Variants in ARID1B observed in about 807,000 individuals in gnomAD.
ARID1B encodes the protein AT-rich interactive domain-containing protein 1B.
Under a neutral mutation model 212.3 loss-of-function variants are expected in ARID1B, and 30 were observed. The observed-to-expected ratio is 0.14, with a 90% CI of 0.11 to 0.19. The LOEUF (loss-of-function observed/expected upper bound fraction) is 0.19, where lower values mean the gene tolerates loss of function less well. ARID1B is among the 10% of genes least tolerant of loss of function. The pLI is 1.00. For synonymous variants in ARID1B, 1,402 were observed against 1,301.7 expected (o/e 1.08, Z -1.66); for missense variants, 2,891 against 3,204.0 (o/e 0.90, Z 2.36).
At chr6:156,841,712 T>C (rs1783913597) in intron 2 of ARID1B, among the ~76,000 whole-genome samples, 1 of 151,990 alleles carries the variant, frequency 6.6e-6, no homozygotes, top group African/African-American at 2.4e-5. Flanking sequence ...CACTTACTTG[T>C]TTTGCTTGTT....
At chr6:156,989,699 C>G (rs996735958) in intron 4 of ARID1B, among the ~76,000 whole-genome samples, 1 of 152,176 alleles carries the variant, frequency 6.6e-6, no homozygotes, top group Admixed American at 6.5e-5. Flanking sequence ...TGAGATTCCC[C>G]TTGACTTCAG....
intron 4 of ARID1B, among the ~76,000 whole-genome samples, chr6:157,049,548 T>TTG (rs1782454778): frequency 6.6e-6 from 1 of 152,242 alleles, no homozygotes; most frequent in Non-Finnish European, 1.5e-5. Flanking sequence ...AGAAGCCATG[T>TTG]ACATTTTTAT....
At chr6:156,921,808 T>G (rs946443782) in intron 3 of ARID1B, among the ~76,000 whole-genome samples, 9 of 152,212 alleles carry the variant, frequency 5.9e-5, no homozygotes, top group Admixed American at 6.5e-5. Context: ...AACAACAGAA[T>G]CTTCTTTATC....
rs915004974 is a variant in ARID1B, at chr6:157,207,174, G to A, written c.6402G>A (p.Glu2134=). The part of the protein sequence containing the change: ...EDKGVACSKD[E]WWWDCLEVLR... The stretch of plus-strand genomic sequence containing the variant: ...AGGGGGTGGCCTGCAGCAAAGATGA[G>A]TGGTGGTGGGACTGCCTCGAGGTCT... The change falls in exon 20 of 20, where the codon GAG becomes GAA. Residue 2134 remains glutamate (E), a synonymous_variant. Coordinates refer to ENST00000636930, the MANE Select transcript of ARID1B (RefSeq NM_001374828.1). This position sits in a 1 kb window ranked among gnomAD's most constrained non-coding sequence, Gnocchi z 8.5. 6 of 1,614,224 alleles carry A rather than the reference G, an allele frequency of 3.7e-6. No individual in the cohort carries two copies. Among genetic ancestry groups the A allele is most frequent in the South Asian group, 1.1e-5 (1 of 91,086 alleles).
chr6:157,210,018 A>G lies in ARID1B; in HGVS notation c.*2127A>G, dbSNP rs927374703. The G allele has an allele frequency of 9.5e-4, 222 of 233,082 alleles. 2 individuals carry two copies. The highest frequency in any genetic ancestry group is 1.7e-4 in the Non-Finnish European group (20 of 118,028). 14.4% of individuals were successfully genotyped at this position (233,082 alleles called of 1,614,324 possible). On this transcript the variant is annotated 3_prime_UTR_variant, in exon 20 of 20. Transcript: ENST00000636930. ...CATTGTGTCGGTTCACATTACTCAC[A>G]GTAATATATGGAAGAGTTAGACAAG...
At chr6:157,070,823 C>G (rs1783964431) in intron 4 of ARID1B, among the ~76,000 whole-genome samples, 1 of 152,192 alleles carries the variant, frequency 6.6e-6, no homozygotes, top group African/African-American at 2.4e-5. Flanking sequence ...CATAGAAAAG[C>G]AAATGCCTGC....
intron 3 of ARID1B, among the ~76,000 whole-genome samples, chr6:156,923,758 G>A (rs986833457): frequency 6.6e-6 from 1 of 150,646 alleles, no homozygotes; most frequent in Non-Finnish European, 1.5e-5. Flanking sequence ...AGGCTGGAGT[G>A]CAGTGGTACA....
chr6:156,840,866 A>G (rs1783851530), intron 2 of ARID1B, among the ~76,000 whole-genome samples: 1 of 152,150 alleles, frequency 6.6e-6, no homozygotes, highest in South Asian at 2.1e-4. Context: ...CTCTGCTCTA[A>G]GGCCCATTAT....
chr6:156,917,024 C>G (rs891173400), intron 3 of ARID1B, among the ~76,000 whole-genome samples: 4 of 152,184 alleles, frequency 2.6e-5, no homozygotes, highest in Admixed American at 6.5e-5. Flanking sequence ...TCGCACAACC[C>G]TGTCTGTTTT....
At chr6:157,103,831 CTTT>C (rs869280492) in intron 5 of ARID1B, among the ~76,000 whole-genome samples, 49 of 118,334 alleles carry the variant, frequency 4.1e-4, no homozygotes, top group Admixed American at 8.2e-4. Flanking sequence ...ATATTAACAA[CTTT>C]TTTTTTTTTT....
chr6:156,807,273 T>C (rs1781237555), intron 1 of ARID1B, among the ~76,000 whole-genome samples: 1 of 152,032 alleles, frequency 6.6e-6, no homozygotes, highest in Non-Finnish European at 1.5e-5. Flanking sequence ...AGCCAGCGGA[T>C]CACGTGGTGT....
chr6:156,982,890 G>A (rs1777690577), intron 4 of ARID1B, among the ~76,000 whole-genome samples: 1 of 152,026 alleles, frequency 6.6e-6, no homozygotes. Context: ...TTAGGCAGGA[G>A]GCTTCCTCAA....
chr6:157,175,020 T>TTTTTTTTTG lies in ARID1B; in HGVS notation c.3504+31_3504+39dup. The TTTTTTTTTG allele has an allele frequency of 3.0e-6, 4 of 1,354,478 alleles. No homozygotes were observed. The South Asian group carries it at 6.5e-5, about 22-fold the overall frequency. The allele number at this position is 1,354,478 out of a possible 1,614,324, so 83.9% of individuals were successfully genotyped here. A position where few individuals can be genotyped will look rare whatever the true frequency, so the allele number is the denominator to read the frequency against. On this transcript the variant is annotated intron_variant, in intron 11 of 19. Coordinates refer to ENST00000636930, the MANE Select transcript of ARID1B (RefSeq NM_001374828.1). Reference sequence around the variant, plus strand: ...CATCAAGCCCTGTAAGTGGCTCTGGTTTTTTTTTGTTTTTTTTGTTTTTTG... The same window carrying TTTTTTTTTG: ...CATCAAGCCCTGTAAGTGGCTCTGGTTTTTTTTTGTTTTTTTTGTTTTTTTTGTTTTTTG...
intron 4 of ARID1B, among the ~76,000 whole-genome samples, chr6:156,986,370 T>C (rs1777917302): frequency 6.6e-6 from 1 of 152,210 alleles, no homozygotes; most frequent in Admixed American, 6.5e-5. Context: ...TTAATTTCTG[T>C]TTAATAAAAA....
At chr6:157,162,347 A>G (rs1790999410) in intron 8 of ARID1B, among the ~76,000 whole-genome samples, 2 of 152,230 alleles carry the variant, frequency 1.3e-5, no homozygotes, top group East Asian at 3.8e-4. Context: ...CTGTTTTCAC[A>G]CTGAACCATT....
At chr6:156,798,111 C>T (rs1722479713) in intron 1 of ARID1B, among the ~76,000 whole-genome samples, 1 of 152,256 alleles carries the variant, frequency 6.6e-6, no homozygotes, top group African/African-American at 2.4e-5. Context: ...AGGCTCTGGA[C>T]AGCTGGAAGA....
rs184174891 is a variant in ARID1B, at chr6:156,790,908, T to C, written c.1791+11437T>C. Among the ~76,000 whole-genome samples the C allele has an allele frequency of 2.2e-4, 34 of 152,358 alleles. No individual in the cohort carries two copies. The East Asian group carries it at 5.4e-3, about 24-fold the overall frequency. Reference sequence around the variant, plus strand: ...ACAATTAATTACTGAAGAGGGAAATTGAAAGGTAAGCAGTTTTGTGTTTTA... The same window carrying C: ...ACAATTAATTACTGAAGAGGGAAATCGAAAGGTAAGCAGTTTTGTGTTTTA... On this transcript the variant is annotated intron_variant, in intron 1 of 19. Transcript: ENST00000636930.
intron 4 of ARID1B, among the ~76,000 whole-genome samples, chr6:156,946,299 G>A (rs552792298): frequency 1.3e-5 from 2 of 152,234 alleles, no homozygotes; most frequent in South Asian, 4.2e-4. Flanking sequence ...TTGAACCTGG[G>A]AGGTGGAGGT....
At chr6:157,060,426 G>A (rs922347049) in intron 4 of ARID1B, among the ~76,000 whole-genome samples, 3 of 152,024 alleles carry the variant, frequency 2.0e-5, no homozygotes, top group African/African-American at 7.3e-5. Flanking sequence ...TACATACTTT[G>A]ATTAATAAAT....
Sources: allele counts gnomAD v4.1 joint callset (sites outside exome capture counted in the v4.1 genomes callset), GRCh38; gene constraint gnomAD v4.1.1; non-coding constraint Gnocchi (gnomAD v3.1); transcripts MANE v1.5; gene names NCBI Gene and HGNC (gene_info 2026-07-23, HGNC 2026-07-21).